The following LIPI variants were observed in gnomAD, a reference collection of about 807,000 sequenced individuals.
LIPI encodes the protein lipase I.
Under a neutral mutation model 50.6 loss-of-function variants are expected in LIPI, and 59 were observed. The observed-to-expected ratio is 1.16, with a 90% CI of 0.94 to 1.45. LIPI has a LOEUF of 1.45. Ranked by LOEUF, LIPI falls within the 40% of genes most tolerant of loss-of-function variation. The pLI is 0.00. For synonymous variants in LIPI, 203 were observed against 178.2 expected (o/e 1.14, Z -1.11); for missense variants, 586 against 536.3 (o/e 1.09, Z -0.92).
At chr21:14,181,151 G>T (rs2019256191) in intron 4 of LIPI, among the ~76,000 whole-genome samples, 1 of 152,150 alleles carries the variant, frequency 6.6e-6, no homozygotes, top group African/African-American at 2.4e-5. Flanking sequence ...TGTATAGGAA[G>T]TGCTCAGTAA....
At chr21:14,186,174 G>A (rs2019450799) in intron 2 of LIPI, 105 bp from the exon 3 acceptor site, 2 of 752,774 alleles carry the variant, frequency 2.7e-6, no homozygotes, top group Non-Finnish European at 4.8e-6. Flanking sequence ...TTTCTGGCTT[G>A]ATTCATTTTG....
intron 1 of LIPI, among the ~76,000 whole-genome samples, chr21:14,195,294 C>A (rs890715837): frequency 3.9e-5 from 6 of 152,100 alleles, no homozygotes; most frequent in Admixed American, 6.6e-5. Context: ...GATAGAATCA[C>A]AAAGAGCTGA....
chr21:14,124,065 C>A (rs1406898153), intron 9 of LIPI, among the ~76,000 whole-genome samples: 1 of 152,188 alleles, frequency 6.6e-6, no homozygotes, highest in Non-Finnish European at 1.5e-5. Flanking sequence ...GGCTTTAAAA[C>A]TTTGATAATT....
intron 9 of LIPI, among the ~76,000 whole-genome samples, chr21:14,112,902 T>C (rs1359636487): frequency 6.6e-6 from 1 of 152,158 alleles, no homozygotes; most frequent in Non-Finnish European, 1.5e-5. Flanking sequence ...TGGATAAGGT[T>C]TCCAGCAATA....
At chr21:14,121,114 AAATAAC>A (rs2016845653) in intron 9 of LIPI, among the ~76,000 whole-genome samples, 1 of 152,188 alleles carries the variant, frequency 6.6e-6, no homozygotes, top group South Asian at 2.1e-4. Context: ...AAGGCATGAG[AAATAAC>A]CAGGATATTA....
intron 1 of LIPI, among the ~76,000 whole-genome samples, chr21:14,198,028 T>C (rs1380313095): frequency 6.6e-6 from 1 of 152,068 alleles, no homozygotes; most frequent in Non-Finnish European, 1.5e-5. Context: ...CTAAGCTTCA[T>C]AAGCAAAAGA....
intron 9 of LIPI, among the ~76,000 whole-genome samples, chr21:14,124,197 T>C (rs1407921188): frequency 1.3e-5 from 2 of 152,114 alleles, no homozygotes; most frequent in African/African-American, 4.8e-5. Flanking sequence ...AAAATGATGG[T>C]GCTACAAAAA....
At chr21:14,127,859 T>G (rs145646661) in intron 9 of LIPI, among the ~76,000 whole-genome samples, 5 of 152,196 alleles carry the variant, frequency 3.3e-5, no homozygotes, top group African/African-American at 1.2e-4. Flanking sequence ...AAAAATGAAA[T>G]TGTCTAAAAT....
At chr21:14,152,357 AGTT>A (rs1361911188) in intron 8 of LIPI, among the ~76,000 whole-genome samples, 1 of 152,072 alleles carries the variant, frequency 6.6e-6, no homozygotes, top group Non-Finnish European at 1.5e-5. Context: ...TAAAGTCACT[AGTT>A]GTTTAGAGTA....
intron 4 of LIPI, among the ~76,000 whole-genome samples, chr21:14,167,994 A>C (rs947733027): frequency 2.0e-5 from 3 of 152,206 alleles, no homozygotes; most frequent in African/African-American, 7.2e-5. Flanking sequence ...GTATAACTAG[A>C]ATAAGCCATA....
At chr21:14,183,108 T>C (rs894848694) in intron 3 of LIPI, among the ~76,000 whole-genome samples, 2 of 152,200 alleles carry the variant, frequency 1.3e-5, no homozygotes, top group African/African-American at 2.4e-5. Flanking sequence ...AACAGCATGG[T>C]ACTGGTACCA....
intron 9 of LIPI, among the ~76,000 whole-genome samples, chr21:14,137,656 G>C (rs139368254): frequency 3.9e-5 from 6 of 151,974 alleles, no homozygotes; most frequent in African/African-American, 7.2e-5. Flanking sequence ...AAGAGATAGG[G>C]GTAGAAAGTT....
At chr21:14,168,406 C>A (rs377173252) in intron 4 of LIPI, among the ~76,000 whole-genome samples, 1 of 152,008 alleles carries the variant, frequency 6.6e-6, no homozygotes, top group African/African-American at 2.4e-5. Context: ...CCAAGACACA[C>A]AATTGTCAGA....
intron 1 of LIPI, among the ~76,000 whole-genome samples, chr21:14,199,779 C>A (rs1200598313): frequency 6.6e-6 from 1 of 151,928 alleles, no homozygotes; most frequent in East Asian, 1.9e-4. Flanking sequence ...ATACCAAAAT[C>A]TGGCAGAGAT....
At chr21:14,170,878 G>A (rs2018874325) in intron 4 of LIPI, among the ~76,000 whole-genome samples, 1 of 151,672 alleles carries the variant, frequency 6.6e-6, no homozygotes, top group African/African-American at 2.4e-5. Context: ...AATTAGGCAG[G>A]AGAAGGAAAT....
At chr21:14,119,379 C>A (rs2123329967) in intron 9 of LIPI, among the ~76,000 whole-genome samples, 1 of 152,298 alleles carries the variant, frequency 6.6e-6, no homozygotes, top group South Asian at 2.1e-4. Flanking sequence ...AGGCACAGAT[C>A]TGTGGCCAAG....
intron 9 of LIPI, among the ~76,000 whole-genome samples, chr21:14,136,892 A>G (rs892893842): frequency 6.6e-6 from 1 of 152,178 alleles, no homozygotes; most frequent in Admixed American, 6.5e-5. Context: ...CTCTATATGT[A>G]TGGGAAAATA....
chr21:14,190,961 C>G (rs1033392644), intron 1 of LIPI, among the ~76,000 whole-genome samples: 3 of 152,082 alleles, frequency 2.0e-5, no homozygotes, highest in Non-Finnish European at 4.4e-5. Flanking sequence ...GTGATAAATA[C>G]AAGAGAAAGA....
At chr21:14,183,474 T>A in intron 3 of LIPI, among the ~76,000 whole-genome samples, 1 of 151,942 alleles carries the variant, frequency 6.6e-6, no homozygotes, top group Non-Finnish European at 1.5e-5. Context: ...AATTGAGAAA[T>A]GGGATCTAAT....
Sources: allele counts gnomAD v4.1 joint callset (sites outside exome capture counted in the v4.1 genomes callset), GRCh38; gene constraint gnomAD v4.1.1; transcripts MANE v1.5; gene names NCBI Gene and HGNC (gene_info 2026-07-23, HGNC 2026-07-21).